DCBLD1: variants seen among roughly 807,000 people sequenced by gnomAD.
The protein encoded by DCBLD1 is discoidin, CUB and LCCL domain-containing protein 1.
Under a neutral mutation model 71.5 loss-of-function variants are expected in DCBLD1, and 57 were observed. The ratio of observed to expected loss-of-function variants is 0.80; its 90% CI spans 0.64 to 0.99. The LOEUF (loss-of-function observed/expected upper bound fraction) is 0.99, where lower values mean the gene tolerates loss of function less well. Among genes scored for constraint, DCBLD1 ranks in the 50% least tolerant of loss-of-function variants. The pLI, the probability that DCBLD1 is intolerant of heterozygous loss-of-function variation, is 0.00. For missense variants in DCBLD1, 891 were observed against 923.5 expected (o/e 0.96, Z 0.46); for synonymous variants, 380 against 363.8 (o/e 1.04, Z -0.51).
In DCBLD1 at chr6:117,504,025, A is replaced by AT. The variant is rs780456990; in HGVS notation, c.325+49dup. On this transcript the variant is annotated intron_variant, in intron 2 of 14. Coordinates refer to ENST00000338728, the MANE Select transcript of DCBLD1 (RefSeq NM_001366458.2). ...TTCTCTGAGCATCAAAATTTTTGAT[A>AT]TTTGCAGAGAAGGGCAAGTGGTGTG... The AT allele has an allele frequency of 3.1e-6, 5 of 1,600,994 alleles. No individual in the cohort carries two copies. In the African/African-American group the frequency reaches 5.4e-5, roughly 17 times the overall value.
At chr6:117,496,072 T>A (rs997007173) in intron 1 of DCBLD1, among the ~76,000 whole-genome samples, 1 of 152,218 alleles carries the variant, frequency 6.6e-6, no homozygotes, top group Non-Finnish European at 1.5e-5. Context: ...TGTTTCCTTT[T>A]ATTTTACTTT....
chr6:117,510,536 C>T (rs1300785001), intron 2 of DCBLD1, among the ~76,000 whole-genome samples: 2 of 152,176 alleles, frequency 1.3e-5, no homozygotes, highest in African/African-American at 4.8e-5. Context: ...TTTAGCTTCT[C>T]TGTCAGATAC....
Position 117,549,684 on chromosome 6 carries a change from C to G in DCBLD1, c.*1245C>G. On this transcript the variant is annotated 3_prime_UTR_variant, in exon 15 of 15. Coordinates refer to ENST00000338728, the MANE Select transcript of DCBLD1 (RefSeq NM_001366458.2). ...TATATATGTTAAAATAATGGGGGTGCTGGAAGGTCATGGCAGACTAGCTGC... is the reference window on the plus strand; with the variant it reads ...TATATATGTTAAAATAATGGGGGTGGTGGAAGGTCATGGCAGACTAGCTGC... 2.0e-6 allele frequency: 2 copies of G among 985,304 alleles called. No individual in the cohort carries two copies. The highest frequency in any genetic ancestry group is 2.4e-6 in the Non-Finnish European group (2 of 829,940). 61.0% of individuals were successfully genotyped at this position (985,304 alleles called of 1,614,324 possible).
chr6:117,562,925 C>CCTA (rs1480816655), intron 14 of DCBLD1: 1 of 277,846 alleles, frequency 3.6e-6, no homozygotes, highest in African/African-American at 2.2e-5. Flanking sequence ...GCACTGTCCT[C>CCTA]CTACTAAAGG....
At position 117,548,722 on chromosome 6, in the gene DCBLD1, C is replaced by T; in HGVS notation, c.*283C>T. Reference sequence around the variant, plus strand: ...TTTCATTCCTCTGACTGATATTGAGCTGCTTTGGTGTTAAAGGTGTAATGT... The same window carrying T: ...TTTCATTCCTCTGACTGATATTGAGTTGCTTTGGTGTTAAAGGTGTAATGT... On this transcript the variant is annotated 3_prime_UTR_variant, in exon 15 of 15. Transcript: ENST00000338728. 7.3e-7 allele frequency: 1 copy of T among 1,362,014 alleles called. No homozygotes were observed. Among genetic ancestry groups the T allele is most frequent in the South Asian group, 1.6e-5 (1 of 61,962 alleles). 84.4% of individuals were successfully genotyped at this position (1,362,014 alleles called of 1,614,324 possible).
intron 4 of DCBLD1, among the ~76,000 whole-genome samples, chr6:117,524,889 G>A (rs761309790): frequency 7.2e-5 from 11 of 152,060 alleles, no homozygotes; most frequent in Admixed American, 5.2e-4. Context: ...TAATATTATG[G>A]CAATATTACA....
intron 7 of DCBLD1, among the ~76,000 whole-genome samples, chr6:117,537,501 T>C (rs901042059): frequency 6.7e-6 from 1 of 148,388 alleles, no homozygotes; most frequent in Non-Finnish European, 1.5e-5. Flanking sequence ...GCCACTGCAC[T>C]CCAGCCTGGG....
At chr6:117,556,952 G>C (rs1779502436) in intron 14 of DCBLD1, among the ~76,000 whole-genome samples, 1 of 151,030 alleles carries the variant, frequency 6.6e-6, no homozygotes, top group African/African-American at 2.4e-5. Context: ...GTTTTAATTT[G>C]CATTTCTCTG....
At chr6:117,519,224 C>A (rs1183678418) in intron 2 of DCBLD1, among the ~76,000 whole-genome samples, 1 of 151,982 alleles carries the variant, frequency 6.6e-6, no homozygotes, top group African/African-American at 2.4e-5. Context: ...AATGTTATAC[C>A]CTTAATTGTA....
At chr6:117,536,351 G>A (rs546439093) in intron 6 of DCBLD1, among the ~76,000 whole-genome samples, 4 of 152,110 alleles carry the variant, frequency 2.6e-5, no homozygotes, top group Non-Finnish European at 5.9e-5. Context: ...TTTTCCATTC[G>A]TTCTCTGTAT....
intron 1 of DCBLD1, among the ~76,000 whole-genome samples, chr6:117,483,242 C>T (rs111925491): frequency 0.031 from 4,697 of 152,306 alleles, 83 homozygotes; most frequent in Non-Finnish European, 0.039. Flanking sequence ...GAGAAGTGAC[C>T]TGACCCCGAG....
At chr6:117,482,981 C>A in intron 1 of DCBLD1, 88 bp downstream of exon 1, 1 of 581,712 alleles carries the variant, frequency 1.7e-6, no homozygotes, top group Non-Finnish European at 2.0e-6. Flanking sequence ...GGGCCGAGGG[C>A]TACGGGGCGG....
At chr6:117,541,061 A>G (rs917525808) in intron 11 of DCBLD1, 36 bp downstream of exon 11, 3 of 1,606,192 alleles carry the variant, frequency 1.9e-6, no homozygotes, top group African/African-American at 1.3e-5. Flanking sequence ...CATAAGGAGC[A>G]TAACTGGTAA....
At chr6:117,519,006 T>A (rs1298990179) in intron 2 of DCBLD1, among the ~76,000 whole-genome samples, 1 of 152,222 alleles carries the variant, frequency 6.6e-6, no homozygotes, top group African/African-American at 2.4e-5. Flanking sequence ...AGTTAATAAA[T>A]AATACCTCTC....
chr6:117,531,565 G>A (rs200382477), intron 5 of DCBLD1, among the ~76,000 whole-genome samples: 1 of 152,198 alleles, frequency 6.6e-6, no homozygotes, highest in East Asian at 1.9e-4. Flanking sequence ...ACATCGCAGG[G>A]CTGAGCTGGC....
chr6:117,549,450 A>C lies in DCBLD1; in HGVS notation c.*1011A>C, dbSNP rs552297967. The C allele has an allele frequency of 2.8e-4, 274 of 985,288 alleles. No homozygotes were observed. The highest frequency in any genetic ancestry group is 3.2e-4 in the Non-Finnish European group (264 of 829,942). The allele number at this position is 985,288 out of a possible 1,614,324, so 61.0% of individuals were successfully genotyped here. A position where few individuals can be genotyped will look rare whatever the true frequency, so the allele number is the denominator to read the frequency against. ...ATTTTCCCCTCAAGGAGGCGTCTGT[A>C]ATTCCAGAACAGTCCAGACATCAGC... On this transcript the variant is annotated 3_prime_UTR_variant, in exon 15 of 15. Transcript: ENST00000338728.
At position 117,549,253 on chromosome 6, in the gene DCBLD1, C is replaced by T. The variant is rs1779380005; in HGVS notation, c.*814C>T. 6 of 985,260 alleles carry T rather than the reference C, an allele frequency of 6.1e-6. No homozygotes were observed. Among genetic ancestry groups the T allele is most frequent in the Non-Finnish European group, 7.2e-6 (6 of 829,940 alleles). 61.0% of individuals were successfully genotyped at this position (985,260 alleles called of 1,614,324 possible). On this transcript the variant is annotated 3_prime_UTR_variant, in exon 15 of 15. Coordinates refer to ENST00000338728, the MANE Select transcript of DCBLD1 (RefSeq NM_001366458.2). ...TAAAAATATTGCTGAGGTCAGACGC[C>T]ACAATTTTCATGACTTTCTTCAGAA...
At chr6:117,565,299 T>C (rs1337712633) in intron 14 of DCBLD1, among the ~76,000 whole-genome samples, 2 of 152,196 alleles carry the variant, frequency 1.3e-5, no homozygotes, top group African/African-American at 4.8e-5. Flanking sequence ...ATGAAGAAAG[T>C]TCAGCCTCAC....
At chr6:117,530,148 C>T (rs1352447481) in intron 5 of DCBLD1, among the ~76,000 whole-genome samples, 1 of 152,188 alleles carries the variant, frequency 6.6e-6, no homozygotes, top group African/African-American at 2.4e-5. Flanking sequence ...GCGAGGGAGA[C>T]AGGCCTGCAT....
Sources: allele counts gnomAD v4.1 joint callset (sites outside exome capture counted in the v4.1 genomes callset), GRCh38; gene constraint gnomAD v4.1.1; transcripts MANE v1.5; gene names NCBI Gene and HGNC (gene_info 2026-07-23, HGNC 2026-07-21).